Variants in PRKD1 observed in about 807,000 individuals in gnomAD.
PRKD1 encodes the protein protein kinase D1.
In PRKD1, 63 loss-of-function variants were observed where a neutral mutation model predicts 95.9. The ratio of observed to expected loss-of-function variants is 0.66; its 90% CI spans 0.54 to 0.81. The LOEUF is 0.81. Ranked by LOEUF, PRKD1 falls within the 30% of genes least tolerant of loss-of-function variation. The pLI is 0.00. For missense variants in PRKD1, 1,048 were observed against 1,165.3 expected (o/e 0.90, Z 1.47); for synonymous variants, 425 against 423.1 (o/e 1.00, Z -0.05).
chr14:29,670,364 A>G (rs1355543928), intron 2 of PRKD1, among the ~76,000 whole-genome samples: 1 of 152,216 alleles, frequency 6.6e-6, no homozygotes, highest in Non-Finnish European at 1.5e-5. Flanking sequence ...TAGGTCTGTC[A>G]GGGAACACTT....
chr14:29,860,574 A>C (rs1892674488), intron 1 of PRKD1, among the ~76,000 whole-genome samples: 1 of 152,222 alleles, frequency 6.6e-6, no homozygotes. Context: ...TGTTGCCCAG[A>C]GCTGATACAG....
chr14:29,635,377 C>CCG (rs1035698928), intron 7 of PRKD1, among the ~76,000 whole-genome samples: 1 of 152,084 alleles, frequency 6.6e-6, no homozygotes, highest in Non-Finnish European at 1.5e-5. Flanking sequence ...CACTGCCCCC[C>CCG]GGCACCATGC....
intron 3 of PRKD1, among the ~76,000 whole-genome samples, 171 bp from the exon 4 acceptor site, chr14:29,664,030 A>G (rs1882342317): frequency 6.6e-6 from 1 of 152,036 alleles, no homozygotes; most frequent in Admixed American, 6.6e-5. Flanking sequence ...CCAATTTGTT[A>G]ATGGGTTTTG....
chr14:29,691,124 T>G (rs1392237619), intron 2 of PRKD1, among the ~76,000 whole-genome samples: 1 of 152,210 alleles, frequency 6.6e-6, no homozygotes, highest in Non-Finnish European at 1.5e-5. Flanking sequence ...AGTTCCAAAT[T>G]CAAATGCAGG....
intron 6 of PRKD1, 122 bp from the exon 7 acceptor site, chr14:29,636,616 T>A: frequency 1.1e-6 from 1 of 882,870 alleles, no homozygotes; most frequent in Admixed American, 2.9e-5. Flanking sequence ...CTGTGATGAG[T>A]TTATTTTTTA....
intron 1 of PRKD1, among the ~76,000 whole-genome samples, chr14:29,899,349 T>C (rs1004327793): frequency 5.9e-5 from 9 of 152,112 alleles, no homozygotes; most frequent in Non-Finnish European, 1.3e-4. Context: ...AGGTTGTTCA[T>C]ATAAAGTAAG....
intron 1 of PRKD1, among the ~76,000 whole-genome samples, chr14:29,907,222 T>G (rs45454896): frequency 0.029 from 4,448 of 152,294 alleles, 73 homozygotes; most frequent in South Asian, 0.047. Context: ...GGGCTTCTGT[T>G]TGTTTCCTCC....
chr14:29,655,140 C>G (rs1180272028), intron 4 of PRKD1, among the ~76,000 whole-genome samples: 1 of 152,066 alleles, frequency 6.6e-6, no homozygotes, highest in African/African-American at 2.4e-5. Flanking sequence ...GCTTCATGCC[C>G]AAAGGATTAT....
intron 1 of PRKD1, among the ~76,000 whole-genome samples, chr14:29,838,733 C>T (rs770846847): frequency 2.0e-5 from 3 of 151,954 alleles, no homozygotes; most frequent in Admixed American, 6.6e-5. Context: ...ATGGAAAATG[C>T]ATATTATTAA....
chr14:29,843,163 A>G (rs1296576383), intron 1 of PRKD1, among the ~76,000 whole-genome samples: 1 of 152,148 alleles, frequency 6.6e-6, no homozygotes, highest in Non-Finnish European at 1.5e-5. Context: ...TCCAATATGA[A>G]TGGTGTCTTT....
rs1187877199 is a variant in PRKD1, at chr14:29,826,631, ATATG to A, written c.264+100614_264+100617del. Among the ~76,000 whole-genome samples, 275 of 112,036 alleles carry A rather than the reference ATATG, an allele frequency of 2.5e-3. 6 individuals are homozygous for A. The highest frequency in any genetic ancestry group is 9.2e-3 in the African/African-American group (263 of 28,556). 73.5% of individuals were successfully genotyped at this position (112,036 alleles called of 152,430 possible). A position where few individuals can be genotyped will look rare whatever the true frequency, so the allele number is the denominator to read the frequency against. On this transcript the variant is annotated intron_variant, in intron 1 of 17. Transcript: ENST00000331968. ...TATACATACATATACACACACATAT[ATATG>A]TGTGTGTGTATATATATGTGTGTGT...
intron 2 of PRKD1, among the ~76,000 whole-genome samples, chr14:29,713,068 T>C (rs1277890686): frequency 1.3e-5 from 2 of 152,152 alleles, no homozygotes; most frequent in Non-Finnish European, 2.9e-5. Context: ...GTATGAAGTA[T>C]TCTGCCTTTC....
At chr14:29,710,512 C>T (rs765926833) in intron 2 of PRKD1, among the ~76,000 whole-genome samples, 1 of 152,072 alleles carries the variant, frequency 6.6e-6, no homozygotes, top group African/African-American at 2.4e-5. Flanking sequence ...GCCTGTATTA[C>T]TCAAGATGGT....
At chr14:29,811,062 T>C (rs1167006106) in intron 1 of PRKD1, among the ~76,000 whole-genome samples, 1 of 152,220 alleles carries the variant, frequency 6.6e-6, no homozygotes, top group Admixed American at 6.5e-5. Flanking sequence ...TAGTAAATGA[T>C]TGCTGAAGAT....
chr14:29,917,534 A>T (rs1301799958), intron 1 of PRKD1, among the ~76,000 whole-genome samples: 1 of 152,214 alleles, frequency 6.6e-6, no homozygotes, highest in African/African-American at 2.4e-5. Context: ...TCATATTTGA[A>T]CAAATTATTT....
chr14:29,922,711 T>C (rs906760561), intron 1 of PRKD1, among the ~76,000 whole-genome samples: 12 of 150,576 alleles, frequency 8.0e-5, no homozygotes, highest in East Asian at 4.0e-4. Flanking sequence ...CAGTGAGACA[T>C]TGTCTGTATA....
Position 29,860,832 on chromosome 14 carries a change from G to A in PRKD1, c.264+66417C>T, listed in dbSNP as rs116309662. Reference sequence around the variant, plus strand: ...TTAAATGACATTCCTAAGGGCACTGGATAATAAGTTGACTCAAATTTAGGT... The same window carrying A: ...TTAAATGACATTCCTAAGGGCACTGAATAATAAGTTGACTCAAATTTAGGT... On this transcript the variant is annotated intron_variant, in intron 1 of 17. Transcript: ENST00000331968. 6.5e-3 allele frequency among the ~76,000 whole-genome samples: 995 copies of A among 152,180 alleles called. 12 individuals carry two copies. Among genetic ancestry groups the A allele is most frequent in the African/African-American group, 0.023 (941 of 41,514 alleles).
intron 1 of PRKD1, among the ~76,000 whole-genome samples, chr14:29,749,500 C>T (rs1887380706): frequency 6.6e-6 from 1 of 152,138 alleles, no homozygotes; most frequent in African/African-American, 2.4e-5. Flanking sequence ...TCCCTCCAAC[C>T]ACAGCACAGT....
chr14:29,748,362 A>G (rs917691734), intron 1 of PRKD1, among the ~76,000 whole-genome samples: 2 of 152,240 alleles, frequency 1.3e-5, no homozygotes, highest in African/African-American at 4.8e-5. Context: ...GTCTTTTCAA[A>G]TCACATAAGC....
Sources: allele counts gnomAD v4.1 joint callset (sites outside exome capture counted in the v4.1 genomes callset), GRCh38; gene constraint gnomAD v4.1.1; transcripts MANE v1.5; gene names NCBI Gene and HGNC (gene_info 2026-07-23, HGNC 2026-07-21).